Variants in GRK3 observed in about 807,000 individuals in gnomAD.
The protein encoded by GRK3 is G protein-coupled receptor kinase 3, also known as adrenergic, beta, receptor kinase 2.
In GRK3, 54 loss-of-function variants were observed where a neutral mutation model predicts 95.7. The ratio of observed to expected loss-of-function variants is 0.56; its 90% CI spans 0.45 to 0.71. GRK3 has a LOEUF of 0.71. Among genes scored for constraint, GRK3 ranks in the 30% least tolerant of loss-of-function variants. The pLI is 0.00. For missense variants in GRK3, 649 were observed against 851.2 expected (o/e 0.76, Z 2.96); for synonymous variants, 281 against 290.8 (o/e 0.97, Z 0.34).
chr22:25,647,116 A>G (rs925989602), intron 3 of GRK3: 2 of 376,828 alleles, frequency 5.3e-6, no homozygotes, highest in Non-Finnish European at 4.8e-6. Flanking sequence ...TTCTATTCCC[A>G]GCAAAAATTT....
intron 1 of GRK3, among the ~76,000 whole-genome samples, chr22:25,601,081 T>G (rs1476502890): frequency 6.6e-6 from 1 of 152,112 alleles, no homozygotes; most frequent in Non-Finnish European, 1.5e-5. Flanking sequence ...TCAACACTCC[T>G]CTCTCAGTAA....
At chr22:25,674,174 C>T (rs2085007590) in intron 7 of GRK3, among the ~76,000 whole-genome samples, 1 of 152,082 alleles carries the variant, frequency 6.6e-6, no homozygotes, top group Admixed American at 6.5e-5. Context: ...AGAAACAGTT[C>T]GGCTTGGTTC....
chr22:25,708,081 C>CAAT (rs1018059734), intron 15 of GRK3, among the ~76,000 whole-genome samples: 5 of 151,884 alleles, frequency 3.3e-5, no homozygotes, highest in East Asian at 3.9e-4. Context: ...ACTAAATATA[C>CAAT]AATAATAATA....
At chr22:25,716,406 A>G (rs896846947) in intron 18 of GRK3, among the ~76,000 whole-genome samples, 1 of 152,214 alleles carries the variant, frequency 6.6e-6, no homozygotes, top group East Asian at 1.9e-4. Flanking sequence ...TCATGGTGTC[A>G]CTAGAATCCT....
intron 3 of GRK3, among the ~76,000 whole-genome samples, chr22:25,660,825 G>C (rs1415357049): frequency 6.6e-6 from 1 of 152,128 alleles, no homozygotes; most frequent in Non-Finnish European, 1.5e-5. Flanking sequence ...AATAAATTGG[G>C]AACAATTCTG....
intron 15 of GRK3, among the ~76,000 whole-genome samples, chr22:25,705,964 G>A (rs1218461354): frequency 6.6e-6 from 1 of 152,062 alleles, no homozygotes; most frequent in African/African-American, 2.4e-5. Context: ...CCTTGTGCTC[G>A]GAGACTCGTG....
chr22:25,640,523 A>C (rs2146378091), intron 2 of GRK3, among the ~76,000 whole-genome samples: 1 of 152,352 alleles, frequency 6.6e-6, no homozygotes, highest in East Asian at 1.9e-4. Context: ...AAGTTTTAGC[A>C]GTTATGCAGT....
rs534255621 is a variant in GRK3 at position 25,688,022 on chromosome 22, G to A, written c.957+355G>A. The stretch of plus-strand genomic sequence containing the variant: ...GAGGCCAAGGAGGGCGGATCACAAG[G>A]TCAGGAGATCAAGGCCATCCTGGCT... On this transcript the variant is annotated intron_variant, in intron 11 of 20. Transcript: ENST00000324198. 5.9e-5 allele frequency among the ~76,000 whole-genome samples: 9 copies of A among 152,256 alleles called. No homozygotes were observed. The East Asian group carries it at 1.4e-3, about 23-fold the overall frequency.
At chr22:25,678,439 G>A (rs2085049628) in intron 8 of GRK3, among the ~76,000 whole-genome samples, 1 of 152,100 alleles carries the variant, frequency 6.6e-6, no homozygotes, top group Non-Finnish European at 1.5e-5. Context: ...GGGCAACAGA[G>A]TGAGACTCTG....
intron 1 of GRK3, among the ~76,000 whole-genome samples, chr22:25,584,188 A>G (rs556443802): frequency 6.7e-6 from 1 of 149,876 alleles, no homozygotes; most frequent in South Asian, 2.1e-4. Context: ...TGGTTCCCCC[A>G]TTATCTGTGG....
chr22:25,689,383 G>A (rs936109950), intron 11 of GRK3, among the ~76,000 whole-genome samples: 2 of 152,048 alleles, frequency 1.3e-5, no homozygotes, highest in African/African-American at 2.4e-5. Flanking sequence ...GAAGGCAGTG[G>A]TATTATTTAA....
chr22:25,719,052 G>T (rs1308222743), intron 19 of GRK3, among the ~76,000 whole-genome samples: 2 of 152,154 alleles, frequency 1.3e-5, no homozygotes, highest in Non-Finnish European at 2.9e-5. Flanking sequence ...AGCAACTTGA[G>T]CATCTGTGGA....
At chr22:25,595,958 G>A (rs1049961540) in intron 1 of GRK3, among the ~76,000 whole-genome samples, 1 of 152,056 alleles carries the variant, frequency 6.6e-6, no homozygotes, top group Admixed American at 6.6e-5. Context: ...ATGTATGTGT[G>A]TATATGTAAT....
At chr22:25,661,322 T>C (rs2084907938) in intron 3 of GRK3, among the ~76,000 whole-genome samples, 1 of 152,180 alleles carries the variant, frequency 6.6e-6, no homozygotes. Flanking sequence ...GTGTGTTTCC[T>C]AATATTATGT....
intron 4 of GRK3, among the ~76,000 whole-genome samples, chr22:25,662,608 C>T (rs536981333): frequency 4.6e-5 from 7 of 152,286 alleles, no homozygotes; most frequent in South Asian, 2.1e-4. Flanking sequence ...CTCTTTCTTG[C>T]GGCATGCACT....
intron 7 of GRK3, among the ~76,000 whole-genome samples, chr22:25,673,354 G>A (rs1013614707): frequency 5.5e-5 from 8 of 145,614 alleles, no homozygotes; most frequent in Non-Finnish European, 1.0e-4. Flanking sequence ...GAGCCACCGC[G>A]CCCAGCAGGA....
intron 12 of GRK3, among the ~76,000 whole-genome samples, chr22:25,691,453 G>C (rs1051618680): frequency 2.6e-5 from 4 of 152,202 alleles, no homozygotes; most frequent in African/African-American, 9.6e-5. Context: ...TTAAAGCTCT[G>C]ATCAAATGTT....
Position 25,683,604 on chromosome 22 carries a change from T to C in GRK3, c.748-1566T>C, listed in dbSNP as rs117826800. 2.3e-3 allele frequency among the ~76,000 whole-genome samples: 348 copies of C among 152,352 alleles called. 5 individuals carry two copies. In the Middle Eastern group the frequency reaches 0.027, roughly 12 times the overall value. On this transcript the variant is annotated intron_variant, in intron 9 of 20. Coordinates refer to ENST00000324198, the MANE Select transcript of GRK3 (RefSeq NM_005160.4). ...GTTTAGTGATGGCATATTGTAGTTT[T>C]AATTTGCGTTACCTTGGAGACATCG...
At chr22:25,645,300 T>A (rs974215453) in intron 3 of GRK3, among the ~76,000 whole-genome samples, 3 of 152,222 alleles carry the variant, frequency 2.0e-5, no homozygotes, top group Non-Finnish European at 2.9e-5. Context: ...CTAGAAGATG[T>A]GGTCTGGTGA....
Sources: allele counts gnomAD v4.1 joint callset (sites outside exome capture counted in the v4.1 genomes callset), GRCh38; gene constraint gnomAD v4.1.1; transcripts MANE v1.5; gene names NCBI Gene and HGNC (gene_info 2026-07-23, HGNC 2026-07-21).